Variants in ZSCAN5A observed in about 807,000 individuals in gnomAD.
ZSCAN5A encodes the protein zinc finger and SCAN domain-containing protein 5A.
ZSCAN5A carries 12 observed loss-of-function variants against 23.7 expected under a neutral mutation model. That is an observed-to-expected ratio of 0.51 (90% CI 0.32 to 0.82). ZSCAN5A has a LOEUF of 0.82. Ranked by LOEUF, ZSCAN5A falls within the 40% of genes least tolerant of loss-of-function variation. The pLI, the probability that ZSCAN5A is intolerant of heterozygous loss-of-function variation, is 0.03. For missense variants in ZSCAN5A, 597 were observed against 617.9 expected (o/e 0.97, Z 0.36); for synonymous variants, 257 against 239.9 (o/e 1.07, Z -0.66).
intron 2 of ZSCAN5A, among the ~76,000 whole-genome samples, chr19:56,269,823 G>A (rs950748409): frequency 6.6e-6 from 1 of 152,148 alleles, no homozygotes; most frequent in South Asian, 2.1e-4. Context: ...TCCTAGAGCC[G>A]GCAGAAGGAA....
rs890130956 is a variant in ZSCAN5A, at chr19:56,274,742, C to T, written c.-128+38541G>A. ...TATTTGAGGATCCAATCCAGGATCC[C>T]ACCTTGTATTTTCAATTAAGTTTTT... On this transcript the variant is annotated intron_variant, in intron 2 of 5. Transcript: ENST00000683990. The T allele has an allele frequency of 2.7e-5, 4 of 147,728 alleles. No individual in the cohort carries two copies. The East Asian group carries it at 7.8e-4, about 29-fold the overall frequency. The allele number at this position is 147,728 out of a possible 1,614,324, so 9.2% of individuals were successfully genotyped here.
Position 56,349,242 on chromosome 19 carries a change from A to C in ZSCAN5A, c.-358+13993T>G, listed in dbSNP as rs2041652280. Among the ~76,000 whole-genome samples, 3 of 152,260 alleles carry C rather than the reference A, an allele frequency of 2.0e-5. No individual in the cohort carries two copies. In the South Asian group the frequency reaches 6.2e-4, roughly 32 times the overall value. ...TCACCTCTGTCACCTTCCCTAAGCCAAGCTAGGAAGGGCCCTACACTGTTG... is the reference window on the plus strand; with the variant it reads ...TCACCTCTGTCACCTTCCCTAAGCCCAGCTAGGAAGGGCCCTACACTGTTG... On this transcript the variant is annotated intron_variant, in intron 2 of 6. Transcript: ENST00000587340.
At chr19:56,321,001 G>C in intron 2 of ZSCAN5A, 1 of 708,474 alleles carries the variant, frequency 1.4e-6, no homozygotes, top group East Asian at 2.6e-5. Context: ...CCGGTAAGTT[G>C]TCCACTTTCC....
intron 2 of ZSCAN5A, among the ~76,000 whole-genome samples, chr19:56,339,037 T>C (rs957130109): frequency 6.6e-6 from 1 of 152,246 alleles, no homozygotes; most frequent in African/African-American, 2.4e-5. Flanking sequence ...TTAGGAACAA[T>C]GTGACCTGGG....
intron 2 of ZSCAN5A, among the ~76,000 whole-genome samples, chr19:56,336,312 T>C (rs2041535561): frequency 6.6e-6 from 1 of 152,224 alleles, no homozygotes; most frequent in Non-Finnish European, 1.5e-5. Flanking sequence ...TGAACTTCTC[T>C]TCTCGCTTCA....
In ZSCAN5A at chr19:56,302,557, C is replaced by T. The variant is rs377207853; in HGVS notation, c.-128+10726G>A. 2.6e-5 allele frequency among the ~76,000 whole-genome samples: 3 copies of T among 113,852 alleles called. No homozygotes were observed. In the East Asian group the frequency reaches 8.0e-4, roughly 31 times the overall value. The allele number at this position is 113,852 out of a possible 152,430, so 74.7% of individuals were successfully genotyped here. A position where few individuals can be genotyped will look rare whatever the true frequency, so the allele number is the denominator to read the frequency against. On this transcript the variant is annotated intron_variant, in intron 2 of 5. Transcript: ENST00000683990. ...CTTCTTCCTCCCCGTTCCTCCCTCC[C>T]TCCCCCCTTCCTTTTCTTCCTCCCC...
intron 2 of ZSCAN5A, chr19:56,286,804 GGC>G (rs1331770145): frequency 3.3e-5 from 5 of 152,146 alleles, no homozygotes; most frequent in Non-Finnish European, 5.9e-5. Flanking sequence ...AGATCTGCTC[GGC>G]GTCACTAAGC....
intron 2 of ZSCAN5A, among the ~76,000 whole-genome samples, chr19:56,312,889 G>A (rs1307741287): frequency 6.6e-6 from 1 of 152,258 alleles, no homozygotes; most frequent in Non-Finnish European, 1.5e-5. Context: ...GGGAATTAAA[G>A]ATGGTGTTTC....
Position 56,322,241 on chromosome 19 carries a change from A to T in ZSCAN5A, c.-357-5973T>A. The T allele has an allele frequency of 4.7e-6, 5 of 1,073,780 alleles. No individual in the cohort carries two copies. The South Asian group carries it at 5.0e-5, about 11-fold the overall frequency. 66.5% of individuals were successfully genotyped at this position (1,073,780 alleles called of 1,614,324 possible). A position where few individuals can be genotyped will look rare whatever the true frequency, so the allele number is the denominator to read the frequency against. On this transcript the variant is annotated intron_variant, in intron 2 of 6. Coordinates refer to the ZSCAN5A transcript ENST00000587340. ...CCTTCTGTAATAAGCAAACTGAGAA[A>T]GTCCTAAAACAGTTGCAAGAGCACC...
Position 56,272,475 on chromosome 19 carries a change from G to C in ZSCAN5A, c.-128+40808C>G, listed in dbSNP as rs1031882849. On this transcript the variant is annotated intron_variant, in intron 2 of 5. Coordinates refer to ENST00000683990, the MANE Select transcript of ZSCAN5A (RefSeq NM_001322064.3). ...ACATTCTATATAATCTTCATGTCAT[G>C]AAATATTTTCTTTTGTTTTTTCCCT... 6.6e-5 allele frequency among the ~76,000 whole-genome samples: 10 copies of C among 152,108 alleles called. No homozygotes were observed. In the East Asian group the frequency reaches 9.6e-4, roughly 15 times the overall value.
chr19:56,240,106 G>C (rs1186173460), intron 2 of ZSCAN5A, among the ~76,000 whole-genome samples: 1 of 151,756 alleles, frequency 6.6e-6, no homozygotes, highest in Non-Finnish European at 1.5e-5. Context: ...AGCTTGCAGT[G>C]AGCCGAGATC....
intron 2 of ZSCAN5A, among the ~76,000 whole-genome samples, chr19:56,356,244 T>C (rs2041699746): frequency 2.0e-5 from 3 of 148,354 alleles, no homozygotes; most frequent in Admixed American, 6.7e-5. Flanking sequence ...AGGACTAGCG[T>C]CCAGGAAAGT....
intron 2 of ZSCAN5A, chr19:56,244,559 G>A: frequency 9.2e-7 from 1 of 1,086,338 alleles, no homozygotes. Context: ...TTGCCCATCA[G>A]GGACACATGG....
chr19:56,279,537 T>G (rs1170452436), intron 2 of ZSCAN5A, among the ~76,000 whole-genome samples: 1 of 152,202 alleles, frequency 6.6e-6, no homozygotes. Context: ...AAATACGTCA[T>G]GCAATTTAAT....
intron 2 of ZSCAN5A, among the ~76,000 whole-genome samples, chr19:56,265,333 T>C (rs7245922): frequency 0.011 from 1,612 of 148,880 alleles, 43 homozygotes; most frequent in African/African-American, 0.038. Context: ...TTGAATACCA[T>C]TTCAACAAAT....
intron 2 of ZSCAN5A, chr19:56,321,340 T>C: frequency 1.5e-6 from 1 of 645,668 alleles, no homozygotes; most frequent in Non-Finnish European, 2.9e-6. Flanking sequence ...CTCTGGGCTG[T>C]AATAACCAGG....
rs1451490296 is a variant in ZSCAN5A at position 56,225,177 on chromosome 19, G to A, written c.-127-4C>T. 1 of 1,375,764 alleles carries A rather than the reference G, an allele frequency of 7.3e-7. No homozygotes were observed. The highest frequency in any genetic ancestry group is 3.3e-5 in the Admixed American group (1 of 30,340). 85.2% of individuals were successfully genotyped at this position (1,375,764 alleles called of 1,614,324 possible). ...GATTCACTGTTCATTCAGAAGTCTG[G>A]GGGGGAAAAGTATGAGCCTCATTAG... On this transcript the variant is annotated splice_region_variant and splice_polypyrimidine_tract_variant and intron_variant, in intron 2 of 5. Transcript: ENST00000683990.
chr19:56,295,602 A>AAAAAC (rs563523883), intron 2 of ZSCAN5A, among the ~76,000 whole-genome samples: 1 of 152,116 alleles, frequency 6.6e-6, no homozygotes. Context: ...CTAAAAAACA[A>AAAAAC]AAAACAAAAC....
At chr19:56,247,840 T>A (rs544306017) in intron 2 of ZSCAN5A, among the ~76,000 whole-genome samples, 2 of 152,098 alleles carry the variant, frequency 1.3e-5, no homozygotes, top group East Asian at 3.9e-4. Flanking sequence ...TACAGGCGCC[T>A]GCCACCATGC....
Sources: gnomAD v4.1 joint callset for allele counts (sites outside exome capture counted in the v4.1 genomes callset) on GRCh38, gnomAD v4.1.1 for gene constraint, MANE v1.5 for transcripts, NCBI Gene and HGNC (gene_info 2026-07-23, HGNC 2026-07-21) for gene names.